Variants in IARS2 observed in about 807,000 individuals in gnomAD.
IARS2 encodes isoleucyl-tRNA synthetase 2, mitochondrial.
A neutral mutation model predicts 126.3 loss-of-function variants in IARS2; 56 were observed. The ratio of observed to expected loss-of-function variants is 0.44; its 90% confidence interval spans 0.36 to 0.55. The LOEUF (loss-of-function observed/expected upper bound fraction) is 0.55. Ranked by LOEUF, IARS2 falls within the 20% of genes least tolerant of loss-of-function variation. IARS2 has a pLI of 0.00. For synonymous variants in IARS2, 407 were observed against 441.1 expected, an observed-to-expected ratio of 0.92 and a Z score of 0.97; for missense variants, 1,127 against 1,245.9, an observed-to-expected ratio of 0.90 and a Z score of 1.44.
At chr1:220,125,205 T>G (rs1183596420) in intron 12 of IARS2, 32 bp from the exon 13 acceptor site, 1 of 1,236,640 alleles carries the variant, frequency 8.1e-7, no homozygotes, top group South Asian at 1.4e-5. Flanking sequence ...AATAGTTAAT[T>G]GAATAATTCT....
intron 8 of IARS2, 94 bp downstream of exon 8, chr1:220,103,656 C>G: frequency 1.4e-6 from 1 of 720,750 alleles, no homozygotes. Context: ...TGAATTGAAA[C>G]AGATATGGCC....
chr1:220,100,997 T>C (rs1008252402), intron 3 of IARS2, among the ~76,000 whole-genome samples: 5 of 152,212 alleles, frequency 3.3e-5, no homozygotes, highest in Non-Finnish European at 5.9e-5. Flanking sequence ...AATTCTAAAA[T>C]ACATATATTT....
chr1:220,134,768 GTTTTT>G, intron 15 of IARS2: 1 of 151,056 alleles, frequency 6.6e-6, no homozygotes, highest in Non-Finnish European at 1.4e-5. Flanking sequence ...TGTTGTTGTT[GTTTTT>G]TTTTTTTTTT....
intron 13 of IARS2, among the ~76,000 whole-genome samples, chr1:220,125,630 C>T (rs987103756): frequency 1.3e-5 from 2 of 152,008 alleles, no homozygotes; most frequent in African/African-American, 4.8e-5. Context: ...ATGGCAAAAC[C>T]CTGTCTCTAC....
intron 14 of IARS2, among the ~76,000 whole-genome samples, chr1:220,131,658 A>G (rs775799212): frequency 2.0e-5 from 3 of 151,664 alleles, no homozygotes; most frequent in Non-Finnish European, 4.4e-5. Flanking sequence ...AGCAATTTTT[A>G]TATTTTTAAT....
At position 220,112,423 on chromosome 1, in the gene IARS2, C is replaced by T. The variant is rs1050857544; in HGVS notation, c.1479+1486C>T. Among the ~76,000 whole-genome samples the T allele has an allele frequency of 5.9e-5, 9 of 151,360 alleles. 3 individuals are homozygous for T. The highest frequency in any genetic ancestry group is 7.4e-5 in the Non-Finnish European group (5 of 67,886). ...TGCTGGGATTACAGGCGTGAGCCAC[C>T]GCGCCCGGCCCGACCACCTACTTTT... On this transcript the variant is annotated intron_variant, in intron 11 of 22. Transcript: ENST00000366922.
In IARS2 at chr1:220,096,084, CT is replaced by C. The variant is rs376359534; in HGVS notation, c.268-8del. On this transcript the variant is annotated intron_variant, in intron 1 of 22. Coordinates refer to ENST00000366922, the MANE Select transcript of IARS2 (RefSeq NM_018060.4). Reference sequence around the variant, plus strand: ...ATGTATTTATATGATGTTTAGATATCTTTTTTTTTTTTAAAACAGAAATGTG... The same window carrying C: ...ATGTATTTATATGATGTTTAGATATCTTTTTTTTTTTAAAACAGAAATGTG... The C allele has an allele frequency of 0.071, 62,986 of 884,252 alleles. No homozygotes were observed. Among genetic ancestry groups the C allele is most frequent in the South Asian group, 0.093 (4,735 of 50,864 alleles). 54.8% of individuals were successfully genotyped at this position (884,252 alleles called of 1,614,324 possible). A position where few individuals can be genotyped will look rare whatever the true frequency, so the allele number is the denominator to read the frequency against.
intron 21 of IARS2, chr1:220,144,496 G>GGCCGGGCGCGGTGGCTCACGCCTGT: frequency 2.1e-6 from 1 of 476,834 alleles, no homozygotes; most frequent in South Asian, 2.5e-5. Flanking sequence ...ATTTGAGCTT[G>GGCCGGGCGCGGTGGCTCACGCCTGT]AAATAGCTAG....
intron 10 of IARS2, among the ~76,000 whole-genome samples, chr1:220,109,249 A>T (rs546860243): frequency 6.6e-6 from 1 of 151,942 alleles, no homozygotes; most frequent in Non-Finnish European, 1.5e-5. Context: ...AAATACAAAA[A>T]ATTAGCCAGG....
intron 21 of IARS2, among the ~76,000 whole-genome samples, chr1:220,144,783 G>A (rs912942761): frequency 2.0e-5 from 3 of 152,200 alleles, no homozygotes; most frequent in African/African-American, 7.2e-5. Flanking sequence ...ATCATACCAA[G>A]TAGCTGTAAG....
chr1:220,125,110 AGC>A, intron 12 of IARS2, 125 bp from the exon 13 acceptor site: 1 of 513,104 alleles, frequency 1.9e-6, no homozygotes, highest in Non-Finnish European at 3.5e-6. Context: ...TTAAAATGAT[AGC>A]AGCTTTTTCT....
intron 12 of IARS2, among the ~76,000 whole-genome samples, chr1:220,116,405 T>C (rs1262450829): frequency 1.3e-5 from 2 of 152,176 alleles, no homozygotes; most frequent in African/African-American, 4.8e-5. Flanking sequence ...GAGAGGGGAA[T>C]GTTAATTCTT....
chr1:220,096,237 T>C lies in IARS2; in HGVS notation c.390+11T>C. On this transcript the variant is annotated intron_variant, in intron 2 of 22. Transcript: ENST00000366922. ...CATGCTTTAAATAAGGTAACTATAA[T>C]TTAGGTTATGACACTTGAAAGAAAG... 1 of 1,547,972 alleles carries C rather than the reference T, an allele frequency of 6.5e-7. No homozygotes were observed. Among genetic ancestry groups the C allele is most frequent in the Non-Finnish European group, 8.7e-7 (1 of 1,145,862 alleles).
At chr1:220,123,569 G>A (rs1657094258) in intron 12 of IARS2, among the ~76,000 whole-genome samples, 1 of 152,144 alleles carries the variant, frequency 6.6e-6, no homozygotes, top group African/African-American at 2.4e-5. Flanking sequence ...TGCCTCCCGG[G>A]TTCACGCCAT....
Position 220,094,154 on chromosome 1 carries a change from G to A in IARS2, c.-63G>A. 6.9e-7 allele frequency: 1 copy of A among 1,444,046 alleles called. No individual in the cohort carries two copies. Among genetic ancestry groups the A allele is most frequent in the Non-Finnish European group, 9.1e-7 (1 of 1,100,034 alleles). 89.5% of individuals were successfully genotyped at this position (1,444,046 alleles called of 1,614,324 possible). A position where few individuals can be genotyped will look rare whatever the true frequency, so the allele number is the denominator to read the frequency against. ...CTTACTCGGCTCCCCTTGGTTTCCT[G>A]GGGTCCTGCCCCTTCAAGCTGGGGC... On this transcript the variant is annotated 5_prime_UTR_variant, in exon 1 of 23. Transcript: ENST00000366922.
At chr1:220,127,521 A>G (rs569200726) in intron 14 of IARS2, among the ~76,000 whole-genome samples, 1 of 152,328 alleles carries the variant, frequency 6.6e-6, no homozygotes. Flanking sequence ...AAGTGAAAAG[A>G]TAGAGTTCAA....
Position 220,094,442 on chromosome 1 carries a change from C to G in IARS2, c.226C>G (p.Leu76Val). 6.2e-7 allele frequency: 1 copy of G among 1,611,070 alleles called. No homozygotes were observed. Among genetic ancestry groups the G allele is most frequent in the Non-Finnish European group, 8.5e-7 (1 of 1,179,068 alleles). ...GCAGACGAGCTTCCCCATGAAGCTG[C>G]TGGGCCGCCAGCAGCCGGACACGGA... is the stretch of plus-strand genomic sequence containing the variant. ...LPQTSFPMKL[L>V]GRQQPDTELE... Residue 76 changes from leucine to valine, a missense_variant, in exon 1 of 23, where the codon CTG becomes GTG. Coordinates refer to ENST00000366922, the MANE Select transcript of IARS2 (RefSeq NM_018060.4).
intron 1 of IARS2, among the ~76,000 whole-genome samples, chr1:220,095,477 AT>A (rs1656419462): frequency 6.6e-6 from 1 of 152,214 alleles, no homozygotes; most frequent in Non-Finnish European, 1.5e-5. Flanking sequence ...AGTTCATCTA[AT>A]TTTTTAAAGG....
Position 220,101,572 on chromosome 1 carries a change from C to A in IARS2, c.551-557C>A, listed in dbSNP as rs140376315. Among the ~76,000 whole-genome samples the A allele has an allele frequency of 1.8e-3, 276 of 152,226 alleles. 1 individual carries two copies. The highest frequency in any genetic ancestry group is 6.3e-3 in the African/African-American group (263 of 41,500). ...AAATAATTAGCCAGGTATGGTGGCT[C>A]ACGCCTGTAGTCCCAGATACTTGGG... On this transcript the variant is annotated intron_variant, in intron 3 of 22. Transcript: ENST00000366922.
Sources: allele counts gnomAD v4.1 joint callset (sites outside exome capture counted in the v4.1 genomes callset), GRCh38; gene constraint gnomAD v4.1.1; transcripts MANE v1.5; gene names NCBI Gene and HGNC (gene_info 2026-07-23, HGNC 2026-07-21).